The following BCO1 variants were observed in gnomAD, a reference collection of about 807,000 sequenced individuals.
The protein encoded by BCO1 is beta,beta-carotene 15,15'-dioxygenase.
In BCO1, 54 loss-of-function variants were observed where a neutral mutation model predicts 56.3. That is an observed-to-expected ratio of 0.96 (90% confidence interval 0.77 to 1.20). The LOEUF is 1.20. Ranked by LOEUF, BCO1 falls within the 50% of genes most tolerant of loss-of-function variation. The pLI, the probability that BCO1 is intolerant of heterozygous loss-of-function variation, is 0.00. For synonymous variants in BCO1, 318 were observed against 266.1 expected, an observed-to-expected ratio of 1.20 and a Z score of -1.90; for missense variants, 801 against 690.9, an observed-to-expected ratio of 1.16 and a Z score of -1.79.
At chr16:81,247,839 T>C (rs1905516666) in intron 2 of BCO1, among the ~76,000 whole-genome samples, 2 of 152,070 alleles carry the variant, frequency 1.3e-5, no homozygotes, top group South Asian at 4.2e-4. Flanking sequence ...CCCATTTCTA[T>C]TTTAATTTAT....
intron 1 of BCO1, among the ~76,000 whole-genome samples, chr16:81,245,248 G>T (rs923463308): frequency 6.6e-6 from 1 of 152,148 alleles, no homozygotes; most frequent in Non-Finnish European, 1.5e-5. Flanking sequence ...TCTCTTAATG[G>T]TCAGTAGGCA....
intron 9 of BCO1, among the ~76,000 whole-genome samples, chr16:81,286,445 G>A (rs1295645944): frequency 6.6e-6 from 1 of 152,066 alleles, no homozygotes; most frequent in Non-Finnish European, 1.5e-5. Flanking sequence ...AGAGATTCAG[G>A]GAATTGCACC....
intron 3 of BCO1, among the ~76,000 whole-genome samples, chr16:81,260,724 G>T (rs977166973): frequency 1.3e-5 from 2 of 152,120 alleles, no homozygotes; most frequent in Non-Finnish European, 2.9e-5. Context: ...GATCAGGCTG[G>T]TCTTGAACTC....
intron 7 of BCO1, among the ~76,000 whole-genome samples, chr16:81,273,639 C>CTTTTT (rs59815701): frequency 2.7e-5 from 4 of 146,360 alleles, no homozygotes; most frequent in African/African-American, 7.5e-5. Context: ...TTTAAAAATC[C>CTTTTT]TTTTTTTTTT....
At chr16:81,245,739 G>A in intron 2 of BCO1, 136 bp downstream of exon 2, 1 of 1,081,788 alleles carries the variant, frequency 9.2e-7, no homozygotes. Context: ...CTGAAATCAA[G>A]GTGTTCATAG....
intron 2 of BCO1, among the ~76,000 whole-genome samples, chr16:81,248,423 A>AT (rs1175001692): frequency 2.0e-5 from 3 of 151,248 alleles, no homozygotes; most frequent in African/African-American, 7.3e-5. Context: ...AAAAAAAAAA[A>AT]AAATTATATA....
In BCO1 at chr16:81,270,237, C is replaced by G. The variant is rs1327480490; in HGVS notation, c.922C>G (p.His308Asp). ...TTACACAGACGCCATGGTGGTCTTC[C>G]ATCACGTCAACGCCTACGAAGAGGA... ...KFYTDAMVVF[H>D]HVNAYEEDGC... The change falls in exon 7 of 11, where the codon CAT becomes GAT. Residue 308 changes from histidine to aspartate, a missense_variant. Coordinates refer to ENST00000258168, the MANE Select transcript of BCO1 (RefSeq NM_017429.3). 1 of 1,614,174 alleles carries G rather than the reference C, an allele frequency of 6.2e-7. No individual in the cohort carries two copies. Among genetic ancestry groups the G allele is most frequent in the Non-Finnish European group, 8.5e-7 (1 of 1,180,036 alleles).
intron 7 of BCO1, among the ~76,000 whole-genome samples, chr16:81,272,439 T>G (rs904099438): frequency 6.6e-5 from 10 of 152,204 alleles, no homozygotes; most frequent in Non-Finnish European, 1.3e-4. Context: ...TCTACCTATT[T>G]ATGTATCGAA....
At chr16:81,252,030 G>C (rs1905838153) in intron 2 of BCO1, among the ~76,000 whole-genome samples, 1 of 151,958 alleles carries the variant, frequency 6.6e-6, no homozygotes, top group Non-Finnish European at 1.5e-5. Context: ...AAAGCAGACT[G>C]CTGGGGAATG....
chr16:81,274,095 C>T (rs1433426118), intron 7 of BCO1, among the ~76,000 whole-genome samples: 1 of 152,090 alleles, frequency 6.6e-6, no homozygotes, highest in Admixed American at 6.6e-5. Context: ...AGTAACAAGG[C>T]ACAAAGGTAG....
chr16:81,273,707 C>A (rs1236886796), intron 7 of BCO1, among the ~76,000 whole-genome samples: 1 of 151,730 alleles, frequency 6.6e-6, no homozygotes, highest in African/African-American at 2.4e-5. Context: ...ACATCACTAC[C>A]CAGTAGAAAG....
chr16:81,250,051 A>C (rs1318075472), intron 2 of BCO1, among the ~76,000 whole-genome samples: 5 of 152,130 alleles, frequency 3.3e-5, no homozygotes. Flanking sequence ...ATTTACTACA[A>C]AGAGGGTTTG....
rs1907164782 is a variant in BCO1 at position 81,270,854 on chromosome 16, C to T, written c.1101+438C>T. Among the ~76,000 whole-genome samples, 5 of 152,150 alleles carry T rather than the reference C, an allele frequency of 3.3e-5. 1 individual carries two copies. In the South Asian group the frequency reaches 1.0e-3, roughly 32 times the overall value. On this transcript the variant is annotated intron_variant, in intron 7 of 10. Coordinates refer to ENST00000258168, the MANE Select transcript of BCO1 (RefSeq NM_017429.3). The stretch of plus-strand genomic sequence containing the variant: ...CCACCTCCCAGGCTCACGCCATTCT[C>T]CTGCCTCAGCCTCTGGAGTAGCTGG...
In BCO1 at chr16:81,264,728, C is replaced by A. The variant is rs762658812; in HGVS notation, c.560C>A (p.Ser187Tyr). The change falls in exon 5 of 11, where the codon TCC becomes TAC. Residue 187 changes from serine (S) to tyrosine (Y), a missense_variant. Physicochemically the swap from Ser to Tyr is moderately radical, Grantham distance 144 (BLOSUM62 -2). Coordinates refer to ENST00000258168, the MANE Select transcript of BCO1 (RefSeq NM_017429.3). ...EAGNVLNMGT[S>Y]IVEKGKTKYV... is the part of the protein sequence containing the mutation. ...GGAAATGTTCTAAACATGGGCACAT[C>A]CATTGTGGAAAAGGGGAAGACAAAG... 4 of 1,614,164 alleles carry A rather than the reference C, an allele frequency of 2.5e-6. No homozygotes were observed. In the South Asian group the frequency reaches 3.3e-5, roughly 13 times the overall value.
At chr16:81,252,617 G>T (rs1306173004) in intron 2 of BCO1, among the ~76,000 whole-genome samples, 2 of 152,176 alleles carry the variant, frequency 1.3e-5, no homozygotes, top group South Asian at 2.1e-4. Flanking sequence ...TGCCTTGTGG[G>T]TGGTGACTCC....
At position 81,277,906 on chromosome 16, in the gene BCO1, A is replaced by C. The variant is rs543379691; in HGVS notation, c.1102-2951A>C. The stretch of plus-strand genomic sequence containing the variant: ...GGCTGGAGTTATAAGATGTCTGTGC[A>C]GACCAACTCCCTAAGAATCAAGGCT... On this transcript the variant is annotated intron_variant, in intron 7 of 10. Transcript: ENST00000258168. Among the ~76,000 whole-genome samples, 4 of 152,344 alleles carry C rather than the reference A, an allele frequency of 2.6e-5. No homozygotes were observed. The East Asian group carries it at 7.7e-4, about 29-fold the overall frequency.
chr16:81,266,191 C>T (rs7189674), intron 5 of BCO1, among the ~76,000 whole-genome samples: 15,842 of 152,162 alleles, frequency 0.1, 1,311 homozygotes, highest in African/African-American at 0.23. Context: ...AGATCCCTGC[C>T]CTGTTCTCCA....
chr16:81,245,807 C>A (rs1042296485), intron 2 of BCO1, among the ~76,000 whole-genome samples: 1 of 146,018 alleles, frequency 6.8e-6, no homozygotes, highest in Admixed American at 6.9e-5. Flanking sequence ...CGTTTTCTAT[C>A]TTCTAGAAGC....
chr16:81,271,574 T>C (rs988162121), intron 7 of BCO1, among the ~76,000 whole-genome samples: 9 of 152,290 alleles, frequency 5.9e-5, no homozygotes, highest in South Asian at 4.2e-4. Context: ...CCAGGCAACC[T>C]GTCATCTGCT....
Sources: gnomAD v4.1 joint callset for allele counts (sites outside exome capture counted in the v4.1 genomes callset) on GRCh38, gnomAD v4.1.1 for gene constraint, MANE v1.5 for transcripts, NCBI Gene and HGNC (gene_info 2026-07-23, HGNC 2026-07-21) for gene names.